Variants in VIT observed in about 807,000 individuals in gnomAD.
VIT encodes vitrin.
VIT carries 99 observed loss-of-function variants against 78.0 expected under a neutral mutation model. The ratio of observed to expected loss-of-function variants is 1.27; its 90% CI spans 1.08 to 1.50. The LOEUF is 1.50. Ranked by LOEUF, VIT falls within the 40% of genes most tolerant of loss-of-function variation. The pLI is 0.00. For missense variants in VIT, 1,126 were observed against 875.3 expected (o/e 1.29, Z -3.61); for synonymous variants, 374 against 334.3 (o/e 1.12, Z -1.29).
chr2:36,765,459 T>G (rs1669374246), intron 6 of VIT, among the ~76,000 whole-genome samples: 1 of 119,906 alleles, frequency 8.3e-6, no homozygotes, highest in Non-Finnish European at 1.8e-5. Context: ...AAAAACTGCC[T>G]TATAAAACCA....
At chr2:36,709,582 G>A (rs1048092048) in intron 1 of VIT, among the ~76,000 whole-genome samples, 1 of 152,158 alleles carries the variant, frequency 6.6e-6, no homozygotes, top group African/African-American at 2.4e-5. Context: ...ATGCATGAAA[G>A]AAGATGAATT....
intron 2 of VIT, among the ~76,000 whole-genome samples, chr2:36,724,957 A>T (rs1415803970): frequency 1.3e-5 from 2 of 152,138 alleles, no homozygotes; most frequent in Non-Finnish European, 2.9e-5. Context: ...ATATTATAGG[A>T]TTATAGATAT....
chr2:36,764,208 T>A (rs1669287710), intron 6 of VIT, among the ~76,000 whole-genome samples: 1 of 152,246 alleles, frequency 6.6e-6, no homozygotes, highest in South Asian at 2.1e-4. Context: ...TACATTGCAG[T>A]TTCATGAATC....
chr2:36,808,441 G>A (rs370502868), intron 14 of VIT, 31 bp from the exon 15 acceptor site: 14 of 1,572,296 alleles, frequency 8.9e-6, no homozygotes, highest in South Asian at 8.2e-5. Context: ...TGACCCTGAC[G>A]TGGCGTGGGT....
chr2:36,801,136 C>A (rs556307133), intron 12 of VIT, among the ~76,000 whole-genome samples, 165 bp from the exon 13 acceptor site: 73 of 152,338 alleles, frequency 4.8e-4, no homozygotes, highest in African/African-American at 1.7e-3. Context: ...GAAATAGCCT[C>A]CTTTTCTCTA....
intron 3 of VIT, among the ~76,000 whole-genome samples, chr2:36,739,001 T>C (rs1304081607): frequency 6.6e-6 from 1 of 152,196 alleles, no homozygotes; most frequent in Non-Finnish European, 1.5e-5. Flanking sequence ...AGGAGAACAA[T>C]GCATTCATCT....
At chr2:36,735,615 C>A (rs987708193) in intron 3 of VIT, among the ~76,000 whole-genome samples, 1 of 152,168 alleles carries the variant, frequency 6.6e-6, no homozygotes, top group Admixed American at 6.5e-5. Flanking sequence ...GTGGGGAAGC[C>A]CTGTACCTAA....
intron 9 of VIT, among the ~76,000 whole-genome samples, chr2:36,780,422 G>A: frequency 6.6e-6 from 1 of 152,220 alleles, no homozygotes; most frequent in East Asian, 1.9e-4. Context: ...ACCAGTAGGT[G>A]GCGATAAAGT....
At chr2:36,703,906 G>A in intron 1 of VIT, among the ~76,000 whole-genome samples, 1 of 89,818 alleles carries the variant, frequency 1.1e-5, no homozygotes, top group Non-Finnish European at 2.4e-5. Context: ...TTGTTTGTTT[G>A]GGGTTTTTTT....
At chr2:36,794,219 C>T (rs982059234) in intron 12 of VIT, among the ~76,000 whole-genome samples, 1 of 152,198 alleles carries the variant, frequency 6.6e-6, no homozygotes, top group African/African-American at 2.4e-5. Context: ...CATTCCTCTT[C>T]ATTAATCCTA....
chr2:36,761,466 C>G (rs772497812), intron 6 of VIT, among the ~76,000 whole-genome samples: 1 of 151,912 alleles, frequency 6.6e-6, no homozygotes, highest in African/African-American at 2.4e-5. Flanking sequence ...TGTGGCCGGG[C>G]GCAGTGGCTC....
At chr2:36,800,376 A>G (rs1666234411) in intron 12 of VIT, among the ~76,000 whole-genome samples, 1 of 152,008 alleles carries the variant, frequency 6.6e-6, no homozygotes. Context: ...GAAAACAGTA[A>G]CCTCTAGCCT....
At chr2:36,714,217 T>G (rs1665985781) in intron 1 of VIT, among the ~76,000 whole-genome samples, 1 of 152,244 alleles carries the variant, frequency 6.6e-6, no homozygotes, top group South Asian at 2.1e-4. Context: ...CATTGAGTAC[T>G]TGTATATTAT....
rs758176435 is a variant in VIT, at chr2:36,814,267, CCTT to C, written c.1992_1994del (p.Phe665del). ...GCCACTCACCCCGCCAGAGACCACT[CCTT>C]CTTTGTGGACGAGTTTGACAACCTC... On this transcript the variant is annotated inframe_deletion, in exon 16 of 16. Transcript: ENST00000379242. The C allele has an allele frequency of 2.5e-6, 4 of 1,614,252 alleles. No homozygotes were observed. Among genetic ancestry groups the C allele is most frequent in the East Asian group, 2.2e-5 (1 of 44,888 alleles).
chr2:36,751,657 T>C (rs1046097020), intron 4 of VIT, among the ~76,000 whole-genome samples: 1 of 152,060 alleles, frequency 6.6e-6, no homozygotes, highest in African/African-American at 2.4e-5. Context: ...TTCCAGCTTT[T>C]GGGTTAGAGT....
At chr2:36,787,899 T>C (rs771613148) in intron 12 of VIT, 43 of 448,750 alleles carry the variant, frequency 9.6e-5, no homozygotes, top group Non-Finnish European at 1.5e-4. Flanking sequence ...GCCAACCTGC[T>C]CTATTATTAT....
chr2:36,727,212 T>G lies in VIT; in HGVS notation c.53-2214T>G, dbSNP rs114618902. Among the ~76,000 whole-genome samples the G allele has an allele frequency of 6.1e-3, 925 of 152,022 alleles. 5 individuals are homozygous for G. The highest frequency in any genetic ancestry group is 0.021 in the African/African-American group (877 of 41,534). Reference sequence around the variant, plus strand: ...TCTCCCTAGCCCCTTTCTCCGTGCCTTTCTTTCCCAGACAGCCTCTCTTCT... The same window carrying G: ...TCTCCCTAGCCCCTTTCTCCGTGCCGTTCTTTCCCAGACAGCCTCTCTTCT... On this transcript the variant is annotated intron_variant, in intron 2 of 15. Coordinates refer to ENST00000379242, the MANE Select transcript of VIT (RefSeq NM_053276.4).
intron 2 of VIT, among the ~76,000 whole-genome samples, chr2:36,719,511 A>C (rs779608597): frequency 6.8e-4 from 104 of 152,322 alleles, no homozygotes; most frequent in Admixed American, 1.2e-3. Flanking sequence ...ACATACAAAA[A>C]TCTGTAGCAC....
intron 4 of VIT, among the ~76,000 whole-genome samples, chr2:36,753,699 G>A (rs981322164): frequency 2.6e-5 from 4 of 152,134 alleles, no homozygotes; most frequent in Non-Finnish European, 5.9e-5. Flanking sequence ...CAGCAGCATC[G>A]TCAGAGCCAT....
Sources: allele counts gnomAD v4.1 joint callset (sites outside exome capture counted in the v4.1 genomes callset), GRCh38; gene constraint gnomAD v4.1.1; transcripts MANE v1.5; gene names NCBI Gene and HGNC (gene_info 2026-07-23, HGNC 2026-07-21).